TASL: variants seen among roughly 807,000 people sequenced by gnomAD.
TASL encodes the protein TLR adapter interacting with SLC15A4 on the lysosome.
TASL carries 6 observed loss-of-function variants against 12.9 expected under a neutral mutation model. The ratio of observed to expected loss-of-function variants is 0.46; its 90% CI spans 0.25 to 0.92. The LOEUF is 0.92. Among genes scored for constraint, TASL ranks in the 40% least tolerant of loss-of-function variants. The pLI is 0.17. For synonymous variants in TASL, 85 were observed against 79.3 expected, an observed-to-expected ratio of 1.07 and a Z score of -0.38; for missense variants, 165 against 212.8, an observed-to-expected ratio of 0.78 and a Z score of 1.40.
Position 30,559,548 on chromosome X carries a change from T to C in TASL, c.808A>G (p.Ile270Val). 1 of 1,208,602 alleles carries C rather than the reference T, an allele frequency of 8.3e-7. No individual in the cohort carries two copies. Among genetic ancestry groups the C allele is most frequent in the Non-Finnish European group, 1.1e-6 (1 of 892,619 alleles). Residue 270 changes from isoleucine to valine, a missense_variant, in exon 3 of 3, where the codon ATA becomes GTA. Physicochemically the swap from Ile to Val is conservative, Grantham distance 29. Transcript: ENST00000378962. The part of the protein sequence containing the change: ...KNLETSKARD[I>V]VFSRLLQLMS... ...AATTGCAATAGGCGGCTAAAGACTA[T>C]ATCTCTGGCTTTTGAGGTCTCCAGA...
At chrX:30,563,707 T>C (rs752334054) in intron 2 of TASL, among the ~76,000 whole-genome samples, 1 of 111,745 alleles carries the variant, frequency 8.9e-6, no homozygotes, top group Non-Finnish European at 1.9e-5. Flanking sequence ...ACTGAATTGA[T>C]AATAGATCAA....
intron 2 of TASL, among the ~76,000 whole-genome samples, chrX:30,573,584 C>T (rs939987945): frequency 8.9e-6 from 1 of 111,816 alleles, no homozygotes; most frequent in Admixed American, 9.5e-5. Context: ...AGCCTGGCAT[C>T]GCCTCATCTT....
chrX:30,570,631 C>T (rs1412375074), intron 2 of TASL, among the ~76,000 whole-genome samples: 1 of 111,268 alleles, frequency 9.0e-6, no homozygotes, highest in African/African-American at 3.3e-5. Flanking sequence ...TACCATCAAA[C>T]TTTAATTTTG....
chrX:30,571,270 G>GAAAGAAAGAAAGAAA (rs1569306090), intron 2 of TASL, among the ~76,000 whole-genome samples: 1 of 48,502 alleles, frequency 2.1e-5, no homozygotes, highest in South Asian at 1.0e-3. Flanking sequence ...AAGAAAGAAA[G>GAAAGAAAGAAAGAAA]AAAGAAAGAA....
chrX:30,561,590 C>T (rs190799551), intron 2 of TASL, among the ~76,000 whole-genome samples: 2 of 111,665 alleles, frequency 1.8e-5, no homozygotes, highest in East Asian at 2.8e-4. Context: ...ACATAAAGGT[C>T]CTTTTAAAAA....
chrX:30,560,026 G>T lies in TASL; in HGVS notation c.330C>A (p.Thr110=), dbSNP rs781525550. 3 of 1,211,054 alleles carry T rather than the reference G, an allele frequency of 2.5e-6. No individual in the cohort carries two copies. Among genetic ancestry groups the T allele is most frequent in the Non-Finnish European group, 3.4e-6 (3 of 894,899 alleles). ...TTTTGCAAGAAGATGGAACCAAGTA[G>T]GTCTCTCTGCTGGCATCTCTACATA... ...VEICRDASRE[T]YLVPSSCKSI... Residue 110 remains threonine, a synonymous_variant, in exon 3 of 3, where the codon ACC becomes ACA. Transcript: ENST00000378962.
intron 2 of TASL, among the ~76,000 whole-genome samples, chrX:30,563,506 G>T (rs1930458354): frequency 1.8e-5 from 2 of 111,828 alleles, no homozygotes; most frequent in African/African-American, 3.2e-5. Context: ...GAGTAAAGGG[G>T]ATATACCTAA....
chrX:30,574,366 A>G (rs1437366274), intron 2 of TASL, among the ~76,000 whole-genome samples: 1 of 112,337 alleles, frequency 8.9e-6, no homozygotes, highest in Non-Finnish European at 1.9e-5. Context: ...AATAAAACAG[A>G]AAAGATAAAT....
chrX:30,562,366 C>T (rs1487531108), intron 2 of TASL, among the ~76,000 whole-genome samples: 1 of 111,599 alleles, frequency 9.0e-6, no homozygotes, highest in Non-Finnish European at 1.9e-5. Flanking sequence ...ATCTCATGCC[C>T]GGCATGGTGC....
intron 2 of TASL, among the ~76,000 whole-genome samples, chrX:30,563,794 AG>A (rs779781216): frequency 1.8e-5 from 2 of 112,115 alleles, no homozygotes; most frequent in African/African-American, 6.5e-5. Flanking sequence ...TGCTAGCAAG[AG>A]GAGTATCCAC....
At chrX:30,570,236 TCA>T (rs139566030) in intron 2 of TASL, among the ~76,000 whole-genome samples, 1,825 of 99,733 alleles carry the variant, frequency 0.018, 20 homozygotes, top group Non-Finnish European at 0.027. Context: ...ACTCTCTCTC[TCA>T]CACACACACA....
intron 2 of TASL, among the ~76,000 whole-genome samples, chrX:30,568,298 C>A (rs1298592774): frequency 9.0e-6 from 1 of 110,720 alleles, no homozygotes; most frequent in Non-Finnish European, 1.9e-5. Flanking sequence ...ATTTCCTGTA[C>A]AGCTGTTTGT....
At chrX:30,563,208 G>A (rs776923223) in intron 2 of TASL, among the ~76,000 whole-genome samples, 16 of 111,294 alleles carry the variant, frequency 1.4e-4, no homozygotes, top group African/African-American at 4.9e-4. Flanking sequence ...TAGTTCTCAC[G>A]AGATCCAATG....
At chrX:30,577,115 GA>G (rs1291645790) in intron 1 of TASL, among the ~76,000 whole-genome samples, 1 of 112,036 alleles carries the variant, frequency 8.9e-6, no homozygotes. Context: ...CTGCCACACA[GA>G]AAAACACTAT....
Position 30,559,935 on chromosome X carries a change from T to C in TASL, c.421A>G (p.Thr141Ala). 2.5e-6 allele frequency: 3 copies of C among 1,211,527 alleles called. No homozygotes were observed. The highest frequency in any genetic ancestry group is 1.1e-6 in the Non-Finnish European group (1 of 895,290). Reference protein sequence around the residue: ...GGQVMAINSVTTDFPSESSFE... With the variant: ...GGQVMAINSVATDFPSESSFE... ...CTGCTCTCAGAGGGAAAATCTGTTGTCACTGAATTAATGGCCATCACCTGG... is the reference window on the plus strand; with the variant it reads ...CTGCTCTCAGAGGGAAAATCTGTTGCCACTGAATTAATGGCCATCACCTGG... Residue 141 changes from threonine to alanine, a missense_variant, in exon 3 of 3, where the codon ACA becomes GCA. Coordinates refer to ENST00000378962, the MANE Select transcript of TASL (RefSeq NM_025159.3).
At position 30,570,582 on chromosome X, in the gene TASL, T is replaced by C. The variant is rs544510578; in HGVS notation, c.-2+6170A>G. On this transcript the variant is annotated intron_variant, in intron 2 of 2. Coordinates refer to ENST00000378962, the MANE Select transcript of TASL (RefSeq NM_025159.3). ...AACCTCTCAGACACTCAACTTATCA[T>C]CTGTAAATTGAGAATGTGGGATTAA... Among the ~76,000 whole-genome samples, 126 of 111,459 alleles carry C rather than the reference T, an allele frequency of 1.1e-3. 6 individuals are homozygous for C. In the South Asian group the frequency reaches 0.047, roughly 41 times the overall value.
intron 2 of TASL, among the ~76,000 whole-genome samples, chrX:30,576,275 A>AT (rs1162082988): frequency 9.0e-6 from 1 of 111,538 alleles, no homozygotes; most frequent in Non-Finnish European, 1.9e-5. Context: ...TTTTTAGGAG[A>AT]TACATGCTCA....
intron 1 of TASL, among the ~76,000 whole-genome samples, chrX:30,577,162 T>C (rs767742365): frequency 8.9e-6 from 1 of 112,039 alleles, no homozygotes; most frequent in African/African-American, 3.2e-5. Flanking sequence ...GAGAGTCAAA[T>C]CCAATTGGAA....
At chrX:30,573,149 A>G (rs1036414978) in intron 2 of TASL, among the ~76,000 whole-genome samples, 5 of 112,367 alleles carry the variant, frequency 4.4e-5, no homozygotes, top group African/African-American at 1.6e-4. Context: ...AGTTTCAGGT[A>G]TGATAAATAC....
Sources: allele counts gnomAD v4.1 joint callset (sites outside exome capture counted in the v4.1 genomes callset), GRCh38; gene constraint gnomAD v4.1.1; transcripts MANE v1.5; gene names NCBI Gene and HGNC (gene_info 2026-07-23, HGNC 2026-07-21).